SPNS3: variants seen among roughly 807,000 people sequenced by gnomAD.
SPNS3 encodes the protein SPNS lysolipid transporter 3, sphingosine-1-phosphate (putative).
Under a neutral mutation model 54.4 loss-of-function variants are expected in SPNS3, and 51 were observed. The ratio of observed to expected loss-of-function variants is 0.94; its 90% CI spans 0.75 to 1.18. The LOEUF (loss-of-function observed/expected upper bound fraction) is 1.18. SPNS3 is among the 50% of genes most tolerant of loss of function. The probability of loss-of-function intolerance (pLI) is 0.00; values close to 1 mark genes in which losing one functional copy is unlikely to be tolerated. For missense variants in SPNS3, 669 were observed against 677.4 expected (o/e 0.99, Z 0.14); for synonymous variants, 309 against 294.7 (o/e 1.05, Z -0.50).
chr17:4,476,227 C>T (rs537255795), intron 8 of SPNS3, among the ~76,000 whole-genome samples: 5 of 152,250 alleles, frequency 3.3e-5, no homozygotes, highest in East Asian at 1.9e-4. Flanking sequence ...CAAGTGGAGA[C>T]GAGGATTTGT....
At chr17:4,480,825 T>C (rs1234306463) in intron 9 of SPNS3, among the ~76,000 whole-genome samples, 2 of 76,826 alleles carry the variant, frequency 2.6e-5, no homozygotes, top group Non-Finnish European at 5.3e-5. Context: ...CACAATGCTT[T>C]GCACCACCAT....
chr17:4,472,774 C>CTT lies in SPNS3; in HGVS notation c.1114-5766_1114-5765dup, dbSNP rs375118697. ...ATTGTCTGCTCTTTTGCTTGGCAGCCTTTTTTTTTTTTTTTTTTTTTTTTT... is the reference window on the plus strand; with the variant it reads ...ATTGTCTGCTCTTTTGCTTGGCAGCCTTTTTTTTTTTTTTTTTTTTTTTTTTT... On this transcript the variant is annotated intron_variant, in intron 8 of 11. Coordinates refer to ENST00000355530, the MANE Select transcript of SPNS3 (RefSeq NM_182538.5). Among the ~76,000 whole-genome samples, 218 of 50,926 alleles carry CTT rather than the reference C, an allele frequency of 4.3e-3. 8 individuals carry two copies. The highest frequency in any genetic ancestry group is 0.01 in the Middle Eastern group (1 of 96). The allele number at this position is 50,926 out of a possible 152,430, so 33.4% of individuals were successfully genotyped here.
At chr17:4,457,958 C>T (rs754601451) in intron 8 of SPNS3, among the ~76,000 whole-genome samples, 16 of 152,108 alleles carry the variant, frequency 1.1e-4, no homozygotes, top group African/African-American at 2.7e-4. Flanking sequence ...TGGTACCCAC[C>T]GATGCTGAGC....
intron 8 of SPNS3, 21 bp from the exon 9 acceptor site, chr17:4,478,551 C>T: frequency 6.4e-7 from 1 of 1,559,316 alleles, no homozygotes; most frequent in South Asian, 1.2e-5. Context: ...AATCCTCACC[C>T]AGGCCACCCT....
chr17:4,461,419 G>C (rs1358462440), intron 8 of SPNS3, among the ~76,000 whole-genome samples: 2 of 105,476 alleles, frequency 1.9e-5, no homozygotes, highest in Non-Finnish European at 3.6e-5. Context: ...TCCCAGGCTT[G>C]AGCTCCTGGC....
rs573499545 is a variant in SPNS3, at chr17:4,477,200, A to G, written c.1114-1372A>G. ...GGGGCGCTCACCAGGACGTGGCTTG[A>G]TGCATGCCCTCTGGCCTGAGTTTGT... On this transcript the variant is annotated intron_variant, in intron 8 of 11. Coordinates refer to ENST00000355530, the MANE Select transcript of SPNS3 (RefSeq NM_182538.5). Among the ~76,000 whole-genome samples, 7 of 152,304 alleles carry G rather than the reference A, an allele frequency of 4.6e-5. No homozygotes were observed. In the South Asian group the frequency reaches 1.5e-3, roughly 32 times the overall value.
Position 4,445,629 on chromosome 17 carries a change from G to A in SPNS3, c.403-419G>A, listed in dbSNP as rs1269647570. Among the ~76,000 whole-genome samples the A allele has an allele frequency of 3.3e-5, 5 of 151,998 alleles. No individual in the cohort carries two copies. In the East Asian group the frequency reaches 7.7e-4, roughly 23 times the overall value. On this transcript the variant is annotated intron_variant, in intron 3 of 11. Transcript: ENST00000355530. Reference sequence around the variant, plus strand: ...CAGCCTCAGGTGATCCACCCACCTCGGCCTCCTAAAGTGCTGGGATTACAG... The same window carrying A: ...CAGCCTCAGGTGATCCACCCACCTCAGCCTCCTAAAGTGCTGGGATTACAG...
intron 8 of SPNS3, among the ~76,000 whole-genome samples, chr17:4,472,549 T>G (rs1293175047): frequency 2.6e-5 from 4 of 152,200 alleles, no homozygotes; most frequent in African/African-American, 9.6e-5. Context: ...CCTTCTGAGA[T>G]GGGGGTTGCC....
Position 4,434,022 on chromosome 17 carries a change from G to A in SPNS3, c.55G>A (p.Gly19Ser), listed in dbSNP as rs1970651124. 6.2e-7 allele frequency: 1 copy of A among 1,603,778 alleles called. No individual in the cohort carries two copies. The highest frequency in any genetic ancestry group is 2.3e-5 in the East Asian group (1 of 44,026). The change falls in exon 1 of 12, where the codon GGC becomes AGC. Residue 19 changes from glycine to serine, a missense_variant. Coordinates refer to ENST00000355530, the MANE Select transcript of SPNS3 (RefSeq NM_182538.5). Reference protein sequence around the residue: ...CPEPGPGGLQGQSPGPGRQCP... With the variant: ...CPEPGPGGLQSQSPGPGRQCP... Reference sequence around the variant, plus strand: ...TGAGCCTGGGCCAGGAGGTCTGCAGGGCCAGTCCCCAGGGCCAGGCAGGCA... The same window carrying A: ...TGAGCCTGGGCCAGGAGGTCTGCAGAGCCAGTCCCCAGGGCCAGGCAGGCA...
In SPNS3 at chr17:4,466,299, C is replaced by T. The variant is rs1210990335; in HGVS notation, c.1114-12273C>T. 4.6e-5 allele frequency among the ~76,000 whole-genome samples: 7 copies of T among 152,026 alleles called. No homozygotes were observed. The South Asian group carries it at 6.2e-4, about 13-fold the overall frequency. Reference sequence around the variant, plus strand: ...GCTCATGCCTGTAATCCCAGCACTTCGGAAGGCCGAGGTAGGCAGATCATG... The same window carrying T: ...GCTCATGCCTGTAATCCCAGCACTTTGGAAGGCCGAGGTAGGCAGATCATG... On this transcript the variant is annotated intron_variant, in intron 8 of 11. Transcript: ENST00000355530.
At position 4,461,782 on chromosome 17, in the gene SPNS3, A is replaced by G. The variant is rs1971513528; in HGVS notation, c.1113+8577A>G. Among the ~76,000 whole-genome samples the G allele has an allele frequency of 2.6e-5, 4 of 152,164 alleles. No individual in the cohort carries two copies. The South Asian group carries it at 8.3e-4, about 31-fold the overall frequency. On this transcript the variant is annotated intron_variant, in intron 8 of 11. Coordinates refer to ENST00000355530, the MANE Select transcript of SPNS3 (RefSeq NM_182538.5). Reference sequence around the variant, plus strand: ...GAGCAGCTGGAACCGGGGAGGGCCCATTAATTGAGGCAGGAAAGTGAGCAG... The same window carrying G: ...GAGCAGCTGGAACCGGGGAGGGCCCGTTAATTGAGGCAGGAAAGTGAGCAG...
At chr17:4,487,600 G>A (rs773634919) in intron 11 of SPNS3, among the ~76,000 whole-genome samples, 2 of 152,264 alleles carry the variant, frequency 1.3e-5, no homozygotes, top group Admixed American at 6.5e-5. Context: ...TGTTGAGGCC[G>A]AGAGGCATAG....
intron 8 of SPNS3, among the ~76,000 whole-genome samples, chr17:4,475,065 A>G (rs1971953694): frequency 6.6e-6 from 1 of 151,636 alleles, no homozygotes; most frequent in African/African-American, 2.4e-5. Context: ...CAGTGTGAGC[A>G]TGGATACTTC....
intron 8 of SPNS3, among the ~76,000 whole-genome samples, chr17:4,457,957 C>G (rs1971358505): frequency 6.6e-6 from 1 of 152,166 alleles, no homozygotes; most frequent in African/African-American, 2.4e-5. Flanking sequence ...ATGGTACCCA[C>G]CGATGCTGAG....
At chr17:4,448,024 C>A in intron 5 of SPNS3, 131 bp from the exon 6 acceptor site, 1 of 840,192 alleles carries the variant, frequency 1.2e-6, no homozygotes, top group Non-Finnish European at 1.7e-6. Context: ...GGAATCAGGT[C>A]ACCCCCACTA....
At chr17:4,444,489 C>T (rs1479204379) in intron 2 of SPNS3, among the ~76,000 whole-genome samples, 1 of 151,996 alleles carries the variant, frequency 6.6e-6, no homozygotes, top group Non-Finnish European at 1.5e-5. Context: ...TCCCAAAGTG[C>T]TGGGATTACA....
chr17:4,481,945 G>C (rs765289972), intron 9 of SPNS3: 1 of 151,878 alleles, frequency 6.6e-6, no homozygotes, highest in African/African-American at 2.4e-5. Flanking sequence ...CTGGAGTGCA[G>C]TGGTGCGATC....
chr17:4,467,178 GCGGAT>G (rs1971698738), intron 8 of SPNS3, among the ~76,000 whole-genome samples: 1 of 152,018 alleles, frequency 6.6e-6, no homozygotes, highest in South Asian at 2.1e-4. Context: ...GAGTGAGGGT[GCGGAT>G]TATGGAGGGT....
chr17:4,476,414 G>T (rs1236457042), intron 8 of SPNS3, among the ~76,000 whole-genome samples: 4 of 152,194 alleles, frequency 2.6e-5, no homozygotes, highest in Non-Finnish European at 5.9e-5. Context: ...ATGTCCTATG[G>T]GTGTGGGGTG....
Sources: gnomAD v4.1 joint callset for allele counts (sites outside exome capture counted in the v4.1 genomes callset) on GRCh38, gnomAD v4.1.1 for gene constraint, MANE v1.5 for transcripts, NCBI Gene and HGNC (gene_info 2026-07-23, HGNC 2026-07-21) for gene names.